Variants in SLC16A10 observed in about 807,000 individuals in gnomAD.
SLC16A10 encodes solute carrier family 16 member 10.
A neutral mutation model predicts 40.0 loss-of-function variants in SLC16A10; 27 were observed. The observed-to-expected ratio is 0.67, with a 90% CI of 0.50 to 0.93. The LOEUF is 0.93. Among genes scored for constraint, SLC16A10 ranks in the 40% least tolerant of loss-of-function variants. SLC16A10 has a pLI of 0.00. For missense variants in SLC16A10, 529 were observed against 658.2 expected, an observed-to-expected ratio of 0.80 and a Z score of 2.15; for synonymous variants, 213 against 249.8, an observed-to-expected ratio of 0.85 and a Z score of 1.39.
chr6:111,209,495 C>T (rs1487156732), intron 4 of SLC16A10, among the ~76,000 whole-genome samples: 1 of 152,136 alleles, frequency 6.6e-6, no homozygotes, highest in Non-Finnish European at 1.5e-5. Context: ...ACCCAACCTA[C>T]CTGCCCTTGC....
chr6:111,100,990 C>A (rs796526123), intron 1 of SLC16A10, among the ~76,000 whole-genome samples: 9,003 of 69,614 alleles, frequency 0.13, 380 homozygotes, highest in Non-Finnish European at 0.16. Flanking sequence ...CTCTCTCTCT[C>A]TCTATATATA....
At position 111,189,247 on chromosome 6, in the gene SLC16A10, G is replaced by C. The variant is rs1036660863; in HGVS notation, c.942+11582G>C. Among the ~76,000 whole-genome samples the C allele has an allele frequency of 5.9e-5, 9 of 152,180 alleles. No homozygotes were observed. In the East Asian group the frequency reaches 1.7e-3, roughly 29 times the overall value. On this transcript the variant is annotated intron_variant, in intron 3 of 5. Coordinates refer to ENST00000368851, the MANE Select transcript of SLC16A10 (RefSeq NM_018593.5). Reference sequence around the variant, plus strand: ...GTAAGAGATGGTAAGAGACAACTTTGGCCAGTCAGGGACAACCTCATTGAA... The same window carrying C: ...GTAAGAGATGGTAAGAGACAACTTTCGCCAGTCAGGGACAACCTCATTGAA...
At chr6:111,170,154 G>T (rs1419442270) in intron 1 of SLC16A10, among the ~76,000 whole-genome samples, 2 of 152,002 alleles carry the variant, frequency 1.3e-5, no homozygotes, top group African/African-American at 4.8e-5. Context: ...GACCTCAGGT[G>T]ATCTGCCTGC....
intron 3 of SLC16A10, among the ~76,000 whole-genome samples, chr6:111,198,833 A>C (rs1773120863): frequency 6.6e-6 from 1 of 152,226 alleles, no homozygotes; most frequent in Admixed American, 6.5e-5. Flanking sequence ...TCCAAGAATA[A>C]GTTTAAAGAG....
At chr6:111,159,295 G>A (rs368297433) in intron 1 of SLC16A10, among the ~76,000 whole-genome samples, 4 of 151,776 alleles carry the variant, frequency 2.6e-5, no homozygotes, top group East Asian at 1.9e-4. Context: ...TTATTTTACC[G>A]CTGATGGGCA....
intron 4 of SLC16A10, among the ~76,000 whole-genome samples, chr6:111,210,929 A>C (rs1229851874): frequency 6.6e-6 from 1 of 151,914 alleles, no homozygotes; most frequent in East Asian, 1.9e-4. Flanking sequence ...AGGCTGAGGC[A>C]GGAGAGTCGC....
chr6:111,157,571 C>A (rs975839581), intron 1 of SLC16A10, among the ~76,000 whole-genome samples: 7 of 152,092 alleles, frequency 4.6e-5, no homozygotes, highest in South Asian at 4.1e-4. Flanking sequence ...CATGAGCCAC[C>A]GTGCCTGGCC....
chr6:111,097,710 T>C (rs1448692406), intron 1 of SLC16A10, among the ~76,000 whole-genome samples: 1 of 152,158 alleles, frequency 6.6e-6, no homozygotes, highest in Non-Finnish European at 1.5e-5. Flanking sequence ...TTAAAAAAAT[T>C]AGTAAATGTA....
At chr6:111,150,240 C>A (rs2114514389) in intron 1 of SLC16A10, among the ~76,000 whole-genome samples, 1 of 152,348 alleles carries the variant, frequency 6.6e-6, no homozygotes, top group Non-Finnish European at 1.5e-5. Flanking sequence ...CATGTGATGG[C>A]CTTAGCCATG....
intron 1 of SLC16A10, among the ~76,000 whole-genome samples, chr6:111,161,222 CAAAAAAAA>C (rs57463212): frequency 1.6e-4 from 7 of 42,426 alleles, no homozygotes; most frequent in South Asian, 2.8e-3. Context: ...GACAGTGTCT[CAAAAAAAA>C]AAAAAAAAAA....
chr6:111,121,323 G>A (rs1046226823), intron 1 of SLC16A10, among the ~76,000 whole-genome samples: 1 of 152,208 alleles, frequency 6.6e-6, no homozygotes, highest in Non-Finnish European at 1.5e-5. Context: ...GCACTTTGGG[G>A]GGCTGAGTTG....
At chr6:111,207,123 AAT>A (rs1490703983) in intron 4 of SLC16A10, among the ~76,000 whole-genome samples, 2 of 152,206 alleles carry the variant, frequency 1.3e-5, no homozygotes, top group Non-Finnish European at 2.9e-5. Flanking sequence ...AAAAATGAGA[AAT>A]ATTTTCTACA....
At chr6:111,200,754 T>C (rs1170180614) in intron 3 of SLC16A10, among the ~76,000 whole-genome samples, 1 of 152,192 alleles carries the variant, frequency 6.6e-6, no homozygotes, top group East Asian at 1.9e-4. Context: ...GTCTATTTTT[T>C]TAAAGGGCCC....
At chr6:111,154,227 T>C (rs1177358498) in intron 1 of SLC16A10, among the ~76,000 whole-genome samples, 2 of 152,238 alleles carry the variant, frequency 1.3e-5, no homozygotes, top group African/African-American at 4.8e-5. Flanking sequence ...TAAACAACTA[T>C]AGTAATAACA....
intron 5 of SLC16A10, among the ~76,000 whole-genome samples, chr6:111,221,531 A>T (rs901670779): frequency 1.3e-5 from 2 of 152,158 alleles, no homozygotes; most frequent in African/African-American, 4.8e-5. Context: ...GGATTGCTTT[A>T]GCCTAGGAGC....
chr6:111,177,158 AG>A (rs1772700156), intron 2 of SLC16A10, 53 bp from the exon 3 acceptor site: 1 of 1,245,916 alleles, frequency 8.0e-7, no homozygotes, highest in Non-Finnish European at 1.1e-6. Flanking sequence ...TATTCTACCA[AG>A]CACACAGTAA....
intron 1 of SLC16A10, among the ~76,000 whole-genome samples, chr6:111,136,069 TC>T (rs1425000355): frequency 6.6e-6 from 1 of 152,136 alleles, no homozygotes; most frequent in African/African-American, 2.4e-5. Flanking sequence ...GAATATGGAT[TC>T]CCAAGTACGG....
chr6:111,199,680 T>C (rs1359742442), intron 3 of SLC16A10, among the ~76,000 whole-genome samples: 7 of 152,172 alleles, frequency 4.6e-5, no homozygotes, highest in Non-Finnish European at 1.5e-5. Context: ...ACTTCTAAAA[T>C]GCAGGGTTAT....
At chr6:111,123,942 T>C (rs1275400145) in intron 1 of SLC16A10, among the ~76,000 whole-genome samples, 2 of 152,162 alleles carry the variant, frequency 1.3e-5, no homozygotes, top group Admixed American at 6.5e-5. Context: ...TCCCCAGAAT[T>C]GAGGGTCAAT....
Sources: allele counts gnomAD v4.1 joint callset (sites outside exome capture counted in the v4.1 genomes callset), GRCh38; gene constraint gnomAD v4.1.1; transcripts MANE v1.5; gene names NCBI Gene and HGNC (gene_info 2026-07-23, HGNC 2026-07-21).